Variants in PRMT8 observed in about 807,000 individuals in gnomAD.
PRMT8 encodes protein arginine N-methyltransferase 8.
PRMT8 carries 7 observed loss-of-function variants against 47.1 expected under a neutral mutation model. The ratio of observed to expected loss-of-function variants is 0.15; its 90% CI spans 0.08 to 0.28. The LOEUF (loss-of-function observed/expected upper bound fraction) is 0.28. Ranked by LOEUF, PRMT8 falls within the 10% of genes least tolerant of loss-of-function variation. The pLI is 1.00. For missense variants in PRMT8, 237 were observed against 505.4 expected (o/e 0.47, Z 5.09); for synonymous variants, 188 against 186.5 (o/e 1.01, Z -0.07).
chr12:3,438,516 G>C (rs977063246), intron 1 of PRMT8, among the ~76,000 whole-genome samples: 8 of 152,164 alleles, frequency 5.3e-5, no homozygotes, highest in Non-Finnish European at 1.0e-4. Flanking sequence ...GAGCCTCTTC[G>C]TCCTAGGGTC....
chr12:3,381,356 C>T, exon 1 of PRMT8: 1 of 1,531,056 alleles, frequency 6.5e-7, no homozygotes, highest in Non-Finnish European at 8.8e-7. Flanking sequence ...CTGATTTCTG[C>T]ACCAGGGAGG....
chr12:3,486,969 T>C (rs907361210), upstream of PRMT8, among the ~76,000 whole-genome samples: 2 of 152,236 alleles, frequency 1.3e-5, no homozygotes, highest in Non-Finnish European at 2.9e-5. Flanking sequence ...TTCTTTGGAA[T>C]GCAGTTTAAA....
Position 3,549,929 on chromosome 12 carries a change from A to G in PRMT8, c.262-7A>G. ...CTGACATTTCCTTTCTTTTCCCTCC[A>G]TCACAGGAAATGCTGAAGGATGAGG... On this transcript the variant is annotated splice_polypyrimidine_tract_variant and splice_region_variant and intron_variant, in intron 2 of 9. Transcript: ENST00000382622. 1 of 1,612,716 alleles carries G rather than the reference A, an allele frequency of 6.2e-7. No homozygotes were observed.
intron 1 of PRMT8, among the ~76,000 whole-genome samples, chr12:3,523,782 AG>A (rs1283592580): frequency 6.6e-6 from 1 of 152,238 alleles, no homozygotes; most frequent in Non-Finnish European, 1.5e-5. Context: ...GACTTACAAA[AG>A]CCTATCATTG....
intron 1 of PRMT8, among the ~76,000 whole-genome samples, chr12:3,391,095 C>G (rs1864187945): frequency 6.6e-6 from 1 of 152,164 alleles, no homozygotes; most frequent in Non-Finnish European, 1.5e-5. Context: ...TGCCCTTGCT[C>G]CCATCTCCTA....
At chr12:3,574,467 C>T (rs983622385) in intron 6 of PRMT8, among the ~76,000 whole-genome samples, 1 of 152,218 alleles carries the variant, frequency 6.6e-6, no homozygotes, top group Non-Finnish European at 1.5e-5. Flanking sequence ...AACACAGAAC[C>T]ACTGAACCAA....
intron 1 of PRMT8, among the ~76,000 whole-genome samples, chr12:3,477,384 C>G (rs942253413): frequency 2.6e-5 from 4 of 152,162 alleles, no homozygotes; most frequent in Non-Finnish European, 5.9e-5. Flanking sequence ...CAGTGAGAAA[C>G]CAAGAGGTAT....
chr12:3,399,753 AGTTT>A (rs1864298402), intron 1 of PRMT8, among the ~76,000 whole-genome samples: 1 of 152,216 alleles, frequency 6.6e-6, no homozygotes, highest in Non-Finnish European at 1.5e-5. Flanking sequence ...TTTGGATATT[AGTTT>A]AAGTTGGACA....
chr12:3,583,248 C>T lies in PRMT8; in HGVS notation c.979+40C>T. On this transcript the variant is annotated intron_variant, in intron 8 of 9. Transcript: ENST00000382622. This position sits in a 1 kb window ranked among gnomAD's most constrained non-coding sequence, Gnocchi z 4.7. Reference sequence around the variant, plus strand: ...GCTTCCCAGAGCCTCCTCCCTCTCCCATGCTTCCTCAAGTCTTTGTGGGGT... The same window carrying T: ...GCTTCCCAGAGCCTCCTCCCTCTCCTATGCTTCCTCAAGTCTTTGTGGGGT... 6.4e-7 allele frequency: 1 copy of T among 1,570,928 alleles called. No homozygotes were observed. Among genetic ancestry groups the T allele is most frequent in the Non-Finnish European group, 8.7e-7 (1 of 1,156,010 alleles).
intron 1 of PRMT8, among the ~76,000 whole-genome samples, chr12:3,494,408 A>C (rs1232231479): frequency 6.6e-6 from 1 of 151,018 alleles, no homozygotes; most frequent in Admixed American, 6.6e-5. Flanking sequence ...GAGGACACCG[A>C]GGCTGAGGTC....
At chr12:3,495,956 T>C (rs1210503385) in intron 1 of PRMT8, among the ~76,000 whole-genome samples, 3 of 152,056 alleles carry the variant, frequency 2.0e-5, no homozygotes, top group Non-Finnish European at 4.4e-5. Flanking sequence ...TCAGTAATTA[T>C]CGACTCTTAC....
upstream of PRMT8, among the ~76,000 whole-genome samples, chr12:3,490,675 AAGAGAGAGAGAGAGAGAGAG>A (rs370069857): frequency 0.014 from 1,683 of 121,158 alleles, 31 homozygotes; most frequent in African/African-American, 0.038. Context: ...TTTGGGTACA[AAGAGAGAGAGAGAGAGAGAG>A]AGAGAGAGAG....
At chr12:3,421,698 C>A (rs934697042) in intron 1 of PRMT8, among the ~76,000 whole-genome samples, 2 of 152,206 alleles carry the variant, frequency 1.3e-5, no homozygotes, top group East Asian at 3.8e-4. Context: ...CGGTTGACTG[C>A]CATCTCTGGG....
chr12:3,512,142 C>T (rs1049091030), intron 1 of PRMT8, among the ~76,000 whole-genome samples: 1 of 152,204 alleles, frequency 6.6e-6, no homozygotes, highest in African/African-American at 2.4e-5. Context: ...TCTCATCTCA[C>T]CTGGCCAATC....
intron 1 of PRMT8, among the ~76,000 whole-genome samples, chr12:3,471,130 G>T (rs1456195369): frequency 6.6e-6 from 1 of 152,142 alleles, no homozygotes; most frequent in Non-Finnish European, 1.5e-5. Context: ...AGAGGTGCCT[G>T]TCTGAAGGCT....
intron 1 of PRMT8, among the ~76,000 whole-genome samples, chr12:3,444,966 T>C (rs1864841717): frequency 6.6e-6 from 1 of 152,150 alleles, no homozygotes; most frequent in South Asian, 2.1e-4. Context: ...CCTCGTTCCC[T>C]TTAGGGAAGG....
At chr12:3,592,597 C>T (rs1867332111) in intron 9 of PRMT8, among the ~76,000 whole-genome samples, 1 of 152,134 alleles carries the variant, frequency 6.6e-6, no homozygotes, top group African/African-American at 2.4e-5. Flanking sequence ...TTGAAGACAG[C>T]TTCCAGCTCT....
intron 1 of PRMT8, among the ~76,000 whole-genome samples, chr12:3,526,665 T>C (rs1368451627): frequency 1.3e-5 from 2 of 152,234 alleles, no homozygotes; most frequent in Non-Finnish European, 2.9e-5. Context: ...TTTCATTAGA[T>C]GAATAAGCAT....
intron 1 of PRMT8, among the ~76,000 whole-genome samples, chr12:3,472,370 A>G (rs75577630): frequency 0.082 from 12,500 of 152,222 alleles, 560 homozygotes; most frequent in Non-Finnish European, 0.1. Context: ...TAAATGAATG[A>G]ATGGATGGAT....
Sources: allele counts gnomAD v4.1 joint callset (sites outside exome capture counted in the v4.1 genomes callset), GRCh38; gene constraint gnomAD v4.1.1; non-coding constraint Gnocchi (gnomAD v3.1); transcripts MANE v1.5; gene names NCBI Gene and HGNC (gene_info 2026-07-23, HGNC 2026-07-21).